RFFL: variants seen among roughly 807,000 people sequenced by gnomAD.
The protein encoded by RFFL is E3 ubiquitin-protein ligase rififylin.
A neutral mutation model predicts 40.4 loss-of-function variants in RFFL; 16 were observed. That is an observed-to-expected ratio of 0.40 (90% CI 0.27 to 0.60). RFFL has a LOEUF of 0.60. Among genes scored for constraint, RFFL ranks in the 20% least tolerant of loss-of-function variants. RFFL has a pLI of 0.47. For missense variants in RFFL, 367 were observed against 451.7 expected (o/e 0.81, Z 1.70); for synonymous variants, 154 against 167.9 (o/e 0.92, Z 0.64).
In RFFL at chr17:35,011,668, C is replaced by T. The variant is rs2090939263; in HGVS notation, c.*300G>A. Reference sequence around the variant, plus strand: ...AACTGTCTAGGTTCAGGGAGGAAGACAGGACCCAAGTTCTGGAAAGTTCTC... The same window carrying T: ...AACTGTCTAGGTTCAGGGAGGAAGATAGGACCCAAGTTCTGGAAAGTTCTC... On this transcript the variant is annotated 3_prime_UTR_variant, in exon 7 of 7. Coordinates refer to ENST00000394597, the MANE Select transcript of RFFL (RefSeq NM_001017368.2). The T allele has an allele frequency of 1.9e-5, 6 of 320,772 alleles. 1 individual carries two copies. In the South Asian group the frequency reaches 2.5e-4, roughly 13 times the overall value. The allele number at this position is 320,772 out of a possible 1,614,324, so 19.9% of individuals were successfully genotyped here.
At chr17:35,033,405 G>A (rs1597821965) in intron 1 of RFFL, among the ~76,000 whole-genome samples, 5 of 151,886 alleles carry the variant, frequency 3.3e-5, no homozygotes, top group Admixed American at 3.3e-4. Context: ...GCACGCGCCT[G>A]TAATCCAAGC....
chr17:35,082,201 G>A (rs1019608358), intron 1 of RFFL, among the ~76,000 whole-genome samples: 1 of 152,064 alleles, frequency 6.6e-6, no homozygotes, highest in Non-Finnish European at 1.5e-5. Flanking sequence ...TTTTAGCCTC[G>A]AGTTCCAGGG....
upstream of RFFL, among the ~76,000 whole-genome samples, chr17:35,065,449 G>A (rs574081189): frequency 1.9e-4 from 29 of 151,844 alleles, no homozygotes; most frequent in East Asian, 5.8e-4. Flanking sequence ...CCAGCTACTC[G>A]GGAGGCTGAG....
chr17:35,026,527 G>C lies in RFFL; in HGVS notation c.27C>G (p.Phe9Leu). ...CCTCCTCAGGCTGTCCATCCAGGCA[G>C]AACCAGTTGCAGCAGGTTGCCCACA... Reference protein sequence around the residue: MWATCCNWFCLDGQPEEVP... With the variant: MWATCCNWLCLDGQPEEVP... Residue 9 changes from phenylalanine to leucine, a missense_variant, in exon 2 of 7, where the codon TTC becomes TTG. By Grantham distance (22) the Phe-to-Leu change is conservative. Transcript: ENST00000394597. 6.2e-7 allele frequency: 1 copy of C among 1,612,410 alleles called. No individual in the cohort carries two copies. The highest frequency in any genetic ancestry group is 8.5e-7 in the Non-Finnish European group (1 of 1,179,486).
At chr17:35,046,867 A>C (rs2091202889) in intron 1 of RFFL, among the ~76,000 whole-genome samples, 1 of 152,250 alleles carries the variant, frequency 6.6e-6, no homozygotes. Flanking sequence ...CAGATTGAAC[A>C]CCGCAGCAGA....
chr17:35,025,823 G>A (rs1030070734), intron 2 of RFFL, among the ~76,000 whole-genome samples: 3 of 152,176 alleles, frequency 2.0e-5, no homozygotes, highest in African/African-American at 7.2e-5. Flanking sequence ...TGGGAAGCAT[G>A]GCTCCCAAGC....
chr17:35,060,032 G>A (rs1256738183), intron 1 of RFFL, among the ~76,000 whole-genome samples: 1 of 152,130 alleles, frequency 6.6e-6, no homozygotes, highest in African/African-American at 2.4e-5. Context: ...GTTGTGAAGT[G>A]ATCTAAAAAG....
In RFFL at chr17:35,009,115, G is replaced by A. The variant is rs1339304126; in HGVS notation, c.*2853C>T. On this transcript the variant is annotated 3_prime_UTR_variant, in exon 7 of 7. Coordinates refer to ENST00000394597, the MANE Select transcript of RFFL (RefSeq NM_001017368.2). ...CATCCTCGCACCAGACAGGACAGGTGTCTGTATTGAAACTTTATTACAAAA... is the reference window on the plus strand; with the variant it reads ...CATCCTCGCACCAGACAGGACAGGTATCTGTATTGAAACTTTATTACAAAA... 1.3e-5 allele frequency: 2 copies of A among 152,646 alleles called. No individual in the cohort carries two copies. The highest frequency in any genetic ancestry group is 4.8e-5 in the African/African-American group (2 of 41,458). 9.5% of individuals were successfully genotyped at this position (152,646 alleles called of 1,614,324 possible).
intron 5 of RFFL, among the ~76,000 whole-genome samples, chr17:35,016,161 G>T (rs1159373563): frequency 6.6e-6 from 1 of 152,206 alleles, no homozygotes; most frequent in African/African-American, 2.4e-5. Context: ...TTCATAGGTT[G>T]CTCTAAGGAA....
At chr17:35,022,566 G>A (rs1376915468) in intron 2 of RFFL, among the ~76,000 whole-genome samples, 1 of 152,184 alleles carries the variant, frequency 6.6e-6, no homozygotes, top group Non-Finnish European at 1.5e-5. Flanking sequence ...CAATAAACAG[G>A]AGAGCGGGTA....
chr17:35,030,367 T>C, intron 1 of RFFL, among the ~76,000 whole-genome samples: 1 of 151,300 alleles, frequency 6.6e-6, no homozygotes, highest in East Asian at 1.9e-4. Flanking sequence ...TTTCCTGACT[T>C]TTTAATGATT....
intron 1 of RFFL, among the ~76,000 whole-genome samples, chr17:35,076,565 C>A (rs1234676299): frequency 1.3e-5 from 2 of 151,612 alleles, no homozygotes; most frequent in South Asian, 2.1e-4. Flanking sequence ...ATAATCCCAG[C>A]TACTTGGGAG....
At chr17:35,034,394 T>G (rs2091106455) in intron 1 of RFFL, among the ~76,000 whole-genome samples, 1 of 152,018 alleles carries the variant, frequency 6.6e-6, no homozygotes, top group African/African-American at 2.4e-5. Flanking sequence ...AAAAATAAAC[T>G]TTTGTTCCAC....
intron 1 of RFFL, among the ~76,000 whole-genome samples, chr17:35,062,593 T>C (rs992508139): frequency 6.6e-6 from 1 of 152,152 alleles, no homozygotes; most frequent in Non-Finnish European, 1.5e-5. Flanking sequence ...TACTCAACCC[T>C]GGTAAGTAAG....
chr17:35,044,006 T>G (rs1000441012), intron 1 of RFFL, among the ~76,000 whole-genome samples: 4 of 152,210 alleles, frequency 2.6e-5, no homozygotes, highest in African/African-American at 7.2e-5. Context: ...TTAACTGATA[T>G]TTAAGGTGTA....
In RFFL at chr17:35,021,622, T is replaced by C. The variant is rs1426844645; in HGVS notation, c.340A>G (p.Ser114Gly). 1.9e-6 allele frequency: 3 copies of C among 1,614,198 alleles called. No homozygotes were observed. The Admixed American group carries it at 5.0e-5, about 27-fold the overall frequency. Residue 114 changes from serine (S) to glycine (G), a missense_variant, in exon 3 of 7, where the codon AGC (serine) becomes GGC (glycine). Coordinates refer to ENST00000394597, the MANE Select transcript of RFFL (RefSeq NM_001017368.2). ...MKVKDLRDYL[S>G]LHDISTEMCR... The stretch of plus-strand genomic sequence containing the variant: ...ATTTCGGTAGAGATGTCATGGAGGC[T>C]GAGATAGTCCCTCAAGTCCTTCACC...
intron 1 of RFFL, among the ~76,000 whole-genome samples, chr17:35,082,399 C>T (rs1488996721): frequency 6.6e-6 from 1 of 152,196 alleles, no homozygotes; most frequent in Non-Finnish European, 1.5e-5. Context: ...TCTGGGCTAC[C>T]GTCCAAATAC....
At chr17:35,076,139 G>T (rs375041513) in intron 1 of RFFL, among the ~76,000 whole-genome samples, 3 of 151,506 alleles carry the variant, frequency 2.0e-5, no homozygotes, top group Non-Finnish European at 4.4e-5. Flanking sequence ...GACTACAGGC[G>T]CGTGCCACCA....
At chr17:35,030,617 T>C (rs1392139972) in intron 1 of RFFL, among the ~76,000 whole-genome samples, 2 of 151,662 alleles carry the variant, frequency 1.3e-5, no homozygotes, top group East Asian at 3.9e-4. Context: ...GTATTTTTAG[T>C]AGAGACTGGG....
Sources: gnomAD v4.1 joint callset for allele counts (sites outside exome capture counted in the v4.1 genomes callset) on GRCh38, gnomAD v4.1.1 for gene constraint, MANE v1.5 for transcripts, NCBI Gene and HGNC (gene_info 2026-07-23, HGNC 2026-07-21) for gene names.